Variants in RAD54L2 observed in about 807,000 individuals in gnomAD.
RAD54L2 encodes RAD54 like 2.
In RAD54L2, 27 loss-of-function variants were observed where a neutral mutation model predicts 138.4. The ratio of observed to expected loss-of-function variants is 0.20; its 90% CI spans 0.14 to 0.27. The LOEUF (loss-of-function observed/expected upper bound fraction) is 0.27. Among genes scored for constraint, RAD54L2 ranks in the 10% least tolerant of loss-of-function variants. The pLI is 1.00. For missense variants in RAD54L2, 1,396 were observed against 1,890.2 expected (o/e 0.74, Z 4.85); for synonymous variants, 644 against 723.2 (o/e 0.89, Z 1.76).
intron 3 of RAD54L2, among the ~76,000 whole-genome samples, chr3:51,626,881 C>A (rs553075126): frequency 6.6e-6 from 1 of 152,092 alleles, no homozygotes; most frequent in Non-Finnish European, 1.5e-5. Context: ...ATGTCTTCAA[C>A]CTTAAAGTTC....
At chr3:51,566,465 C>CTTTTT in intron 2 of RAD54L2, among the ~76,000 whole-genome samples, 1 of 41,466 alleles carries the variant, frequency 2.4e-5, no homozygotes, top group African/African-American at 1.1e-4. Flanking sequence ...GCCTTTTCTG[C>CTTTTT]GTTTTTTTTT....
At position 51,593,402 on chromosome 3, in the gene RAD54L2, G is replaced by A. The variant is rs1345519459; in HGVS notation, c.139+2843G>A. On this transcript the variant is annotated intron_variant, in intron 3 of 22. Transcript: ENST00000684192. ...GGCTGGAGTGCAGTGGCGCGATCTC[G>A]GCTCACTGCAACCTCTTCCTCCCAG... Among the ~76,000 whole-genome samples, 5 of 150,692 alleles carry A rather than the reference G, an allele frequency of 3.3e-5. No homozygotes were observed. The South Asian group carries it at 8.4e-4, about 25-fold the overall frequency.
At chr3:51,629,599 C>T in intron 5 of RAD54L2, 126 bp downstream of exon 5, 1 of 1,227,230 alleles carries the variant, frequency 8.1e-7, no homozygotes, top group Non-Finnish European at 1.1e-6. Flanking sequence ...TGGCTCACGC[C>T]TGTAATCCCA....
In RAD54L2 at chr3:51,656,166, G is replaced by T; in HGVS notation, c.3222G>T (p.Thr1074=). The change falls in exon 20 of 23, where the codon ACG becomes ACT. Residue 1074 remains threonine (T), a synonymous_variant. Transcript: ENST00000684192. ...TCCTTGTGCAGAAGGTGGTCACCAC[G>T]ACAGGTGGGAACTCCTGGGCTCTGT... ...AGVLVQKVVT[T]TDIVIPGLNS... is the part of the protein sequence containing the mutation. 1 of 1,605,366 alleles carries T rather than the reference G, an allele frequency of 6.2e-7. No homozygotes were observed. Among genetic ancestry groups the T allele is most frequent in the South Asian group, 1.1e-5 (1 of 90,510 alleles).
At chr3:51,568,268 G>A (rs1699261225) in intron 2 of RAD54L2, among the ~76,000 whole-genome samples, 1 of 152,086 alleles carries the variant, frequency 6.6e-6, no homozygotes, top group South Asian at 2.1e-4. Flanking sequence ...GTATGCTGTG[G>A]TGAGCAGGAG....
At chr3:51,630,142 C>A in intron 5 of RAD54L2, 130 bp from the exon 6 acceptor site, 1 of 663,278 alleles carries the variant, frequency 1.5e-6, no homozygotes. Context: ...TTGAGATGGG[C>A]TCTGCTTCTC....
intron 2 of RAD54L2, among the ~76,000 whole-genome samples, chr3:51,577,918 T>A (rs1699516342): frequency 6.6e-6 from 1 of 152,194 alleles, no homozygotes; most frequent in African/African-American, 2.4e-5. Context: ...AGTTACTTAT[T>A]TATTTTTACC....
intron 7 of RAD54L2, among the ~76,000 whole-genome samples, chr3:51,631,207 C>G (rs950587033): frequency 6.6e-6 from 1 of 152,122 alleles, no homozygotes; most frequent in Admixed American, 6.6e-5. Context: ...ATTTGAGCCT[C>G]TTTCTGTGGG....
chr3:51,608,877 A>C (rs542052221), intron 3 of RAD54L2, among the ~76,000 whole-genome samples: 17 of 152,168 alleles, frequency 1.1e-4, no homozygotes, highest in African/African-American at 4.1e-4. Context: ...AGGGAGGGGC[A>C]GGGGGAGGGA....
At chr3:51,540,784 G>T (rs948946784) in intron 1 of RAD54L2, among the ~76,000 whole-genome samples, 8 of 152,042 alleles carry the variant, frequency 5.3e-5, no homozygotes, top group Admixed American at 2.0e-4. Context: ...GGGTGTGGTG[G>T]CTAACGCCTG....
chr3:51,643,008 T>A (rs1316600232), intron 15 of RAD54L2, among the ~76,000 whole-genome samples: 1 of 151,900 alleles, frequency 6.6e-6, no homozygotes, highest in Non-Finnish European at 1.5e-5. Context: ...TTGCCATTAC[T>A]ATTTATGCTT....
chr3:51,589,553 TC>T (rs1247804515), intron 2 of RAD54L2, among the ~76,000 whole-genome samples: 6 of 152,120 alleles, frequency 3.9e-5, no homozygotes. Context: ...AGAGTATAGT[TC>T]CATATGTCAC....
At chr3:51,624,308 C>T (rs1015916099) in intron 3 of RAD54L2, among the ~76,000 whole-genome samples, 1 of 149,656 alleles carries the variant, frequency 6.7e-6, no homozygotes, top group Non-Finnish European at 1.5e-5. Context: ...GTGGTCATGG[C>T]TCACTGCAGC....
At chr3:51,557,376 C>T (rs774032001) in intron 2 of RAD54L2, among the ~76,000 whole-genome samples, 9 of 151,508 alleles carry the variant, frequency 5.9e-5, no homozygotes, top group Non-Finnish European at 1.5e-5. Flanking sequence ...GAGATGGGGT[C>T]TCACCACATT....
At chr3:51,562,520 G>A (rs967784078) in intron 2 of RAD54L2, among the ~76,000 whole-genome samples, 1 of 152,002 alleles carries the variant, frequency 6.6e-6, no homozygotes. Flanking sequence ...GTGAGCCACT[G>A]TGCCCTGCCA....
At chr3:51,581,152 C>T (rs1178422357) in intron 2 of RAD54L2, among the ~76,000 whole-genome samples, 1 of 152,128 alleles carries the variant, frequency 6.6e-6, no homozygotes, top group East Asian at 1.9e-4. Context: ...GGCTGGAGTA[C>T]AGTGGTGCAG....
chr3:51,557,377 T>G (rs1311017271), intron 2 of RAD54L2, among the ~76,000 whole-genome samples: 2 of 151,762 alleles, frequency 1.3e-5, no homozygotes, highest in African/African-American at 4.8e-5. Flanking sequence ...AGATGGGGTC[T>G]CACCACATTG....
chr3:51,567,146 C>T (rs763719627), intron 2 of RAD54L2, among the ~76,000 whole-genome samples: 9 of 152,206 alleles, frequency 5.9e-5, no homozygotes, highest in Admixed American at 4.6e-4. Flanking sequence ...AGAACTGCTG[C>T]AGTGTCAAAT....
intron 3 of RAD54L2, among the ~76,000 whole-genome samples, chr3:51,604,802 G>T (rs1700144360): frequency 6.6e-6 from 1 of 152,182 alleles, no homozygotes; most frequent in Admixed American, 6.5e-5. Flanking sequence ...CTCTAGCAGG[G>T]CTCACCACAG....
Sources: gnomAD v4.1 joint callset for allele counts (sites outside exome capture counted in the v4.1 genomes callset) on GRCh38, gnomAD v4.1.1 for gene constraint, MANE v1.5 for transcripts, NCBI Gene and HGNC (gene_info 2026-07-23, HGNC 2026-07-21) for gene names.